The following ATP2B4 variants were observed in gnomAD, a reference collection of about 807,000 sequenced individuals.
The protein encoded by ATP2B4 is ATPase plasma membrane Ca2+ transporting 4, also known as plasma membrane calcium-transporting ATPase 4.
Under a neutral mutation model 110.3 loss-of-function variants are expected in ATP2B4, and 39 were observed. The observed-to-expected ratio is 0.35, with a 90% confidence interval of 0.27 to 0.46. The LOEUF is 0.46. Among genes scored for constraint, ATP2B4 ranks in the 20% least tolerant of loss-of-function variants. ATP2B4 has a pLI of 1.00. For missense variants in ATP2B4, 1,135 were observed against 1,530.9 expected, an observed-to-expected ratio of 0.74 and a Z score of 4.32; for synonymous variants, 538 against 571.7, an observed-to-expected ratio of 0.94 and a Z score of 0.84.
At chr1:203,697,236 A>G (rs1486735743) in intron 2 of ATP2B4, among the ~76,000 whole-genome samples, 6 of 151,900 alleles carry the variant, frequency 3.9e-5, no homozygotes, top group Admixed American at 3.9e-4. Flanking sequence ...AGTCTTAAAG[A>G]CTCTGCCCTG....
At chr1:203,726,708 G>A (rs4951130) in intron 19 of ATP2B4, among the ~76,000 whole-genome samples, 30,559 of 151,942 alleles carry the variant, frequency 0.2, 3,243 homozygotes, top group South Asian at 0.3. Flanking sequence ...TATCTTGTCC[G>A]GAAAGAACTG....
chr1:203,700,202 C>T lies in ATP2B4; in HGVS notation c.650-4C>T. ...ACTGTCCCTCCTTCCCCTTTGTGCT[C>T]TAGGTGATCTGCTGCCTGCAGATGG... is the stretch of plus-strand genomic sequence containing the variant. On this transcript the variant is annotated splice_polypyrimidine_tract_variant and splice_region_variant and intron_variant, in intron 4 of 20. Coordinates refer to ENST00000357681, the MANE Select transcript of ATP2B4 (RefSeq NM_001684.5). The T allele has an allele frequency of 6.2e-7, 1 of 1,612,276 alleles. No homozygotes were observed. Among genetic ancestry groups the T allele is most frequent in the Non-Finnish European group, 8.5e-7 (1 of 1,178,916 alleles).
At chr1:203,667,404 C>T (rs971584052) in intron 1 of ATP2B4, among the ~76,000 whole-genome samples, 11 of 152,190 alleles carry the variant, frequency 7.2e-5, no homozygotes, top group African/African-American at 1.9e-4. Flanking sequence ...GGGCAGCATT[C>T]GCTGGCAGTC....
At chr1:203,661,387 A>G (rs1664334338) in intron 1 of ATP2B4, among the ~76,000 whole-genome samples, 1 of 152,198 alleles carries the variant, frequency 6.6e-6, no homozygotes, top group Admixed American at 6.5e-5. Context: ...TGGGAGTGAT[A>G]CGACCCATTT....
chr1:203,653,800 G>A (rs1355927542), intron 1 of ATP2B4, among the ~76,000 whole-genome samples: 4 of 151,628 alleles, frequency 2.6e-5, no homozygotes, highest in South Asian at 2.1e-4. Flanking sequence ...CAAGTGACCC[G>A]CCCTCCTTGG....
chr1:203,722,171 T>C (rs944116136), intron 17 of ATP2B4, among the ~76,000 whole-genome samples: 1 of 152,002 alleles, frequency 6.6e-6, no homozygotes, highest in Non-Finnish European at 1.5e-5. Flanking sequence ...GTTTAATAAC[T>C]AGTACAACAA....
At chr1:203,656,030 G>C in intron 1 of ATP2B4, among the ~76,000 whole-genome samples, 1 of 150,656 alleles carries the variant, frequency 6.6e-6, no homozygotes, top group East Asian at 2.0e-4. Context: ...TCAGCCTCCC[G>C]AGTAGCTGGG....
intron 10 of ATP2B4, among the ~76,000 whole-genome samples, chr1:203,708,425 T>G (rs993297459): frequency 6.6e-6 from 1 of 152,154 alleles, no homozygotes; most frequent in Non-Finnish European, 1.5e-5. Flanking sequence ...ACTCACTTTC[T>G]AGAAACAAGC....
At chr1:203,657,646 C>A in intron 1 of ATP2B4, 1 of 846,744 alleles carries the variant, frequency 1.2e-6, no homozygotes, top group Non-Finnish European at 2.1e-6. Context: ...TTTGAACGTT[C>A]ATGAGCCTCT....
intron 1 of ATP2B4, among the ~76,000 whole-genome samples, chr1:203,662,641 G>A (rs138010531): frequency 6.6e-6 from 1 of 152,324 alleles, no homozygotes; most frequent in African/African-American, 2.4e-5. Context: ...GCATGTGTCA[G>A]AACATCCTTC....
rs150129666 is a variant in ATP2B4, at chr1:203,726,161, G to A, written c.3133-1234G>A. ...GGCTGAAGCAGAATTGCTTGAACCC[G>A]GGAGGCGGAGTGCAATGAGCTGAGA... On this transcript the variant is annotated intron_variant, in intron 19 of 20. Transcript: ENST00000357681. Among the ~76,000 whole-genome samples the A allele has an allele frequency of 1.5e-3, 227 of 151,640 alleles. 3 individuals are homozygous for A. Among genetic ancestry groups the A allele is most frequent in the African/African-American group, 5.1e-3 (211 of 41,386 alleles).
intron 1 of ATP2B4, among the ~76,000 whole-genome samples, chr1:203,673,975 C>T (rs1664752910): frequency 6.6e-6 from 1 of 152,166 alleles, no homozygotes; most frequent in South Asian, 2.1e-4. Flanking sequence ...TGCTAAAAAG[C>T]CCCTTTGTTC....
At chr1:203,648,013 A>G (rs1360710650) in intron 1 of ATP2B4, among the ~76,000 whole-genome samples, 2 of 152,146 alleles carry the variant, frequency 1.3e-5, no homozygotes, top group Non-Finnish European at 2.9e-5. Context: ...GTGGGAGTCA[A>G]AATGTAAAGT....
At chr1:203,679,269 G>A (rs996001061) in intron 1 of ATP2B4, among the ~76,000 whole-genome samples, 3 of 152,184 alleles carry the variant, frequency 2.0e-5, no homozygotes, top group Admixed American at 2.0e-4. Flanking sequence ...AAGCTCAGCA[G>A]TTGCAGAGAA....
chr1:203,733,757 T>A, intron 20 of ATP2B4: 1 of 206,992 alleles, frequency 4.8e-6, no homozygotes, highest in Non-Finnish European at 9.6e-6. Context: ...TGTTCCTCTC[T>A]TCTCCTCCTG....
At chr1:203,714,322 A>G (rs1666098754) in intron 15 of ATP2B4, 45 bp downstream of exon 15, 1 of 1,606,602 alleles carries the variant, frequency 6.2e-7, no homozygotes, top group Non-Finnish European at 8.5e-7. Context: ...TGCCTTCTCC[A>G]TCAGGAAGCC....
intron 17 of ATP2B4, among the ~76,000 whole-genome samples, 200 bp downstream of exon 17, chr1:203,721,610 G>T (rs1666334547): frequency 6.7e-6 from 1 of 148,662 alleles, no homozygotes; most frequent in African/African-American, 2.5e-5. Flanking sequence ...TGTACTGTGT[G>T]TACTCAAGAA....
chr1:203,662,118 G>A (rs956067120), intron 1 of ATP2B4, among the ~76,000 whole-genome samples: 3 of 151,744 alleles, frequency 2.0e-5, no homozygotes, highest in Non-Finnish European at 4.4e-5. Flanking sequence ...CTGCCTCCGG[G>A]TTTCACACCA....
At chr1:203,693,655 C>T (rs1340955858) in intron 2 of ATP2B4, among the ~76,000 whole-genome samples, 3 of 152,136 alleles carry the variant, frequency 2.0e-5, no homozygotes, top group African/African-American at 2.4e-5. Flanking sequence ...AACCTGATGG[C>T]GATGTTACCA....
Sources: allele counts gnomAD v4.1 joint callset (sites outside exome capture counted in the v4.1 genomes callset), GRCh38; gene constraint gnomAD v4.1.1; transcripts MANE v1.5; gene names NCBI Gene and HGNC (gene_info 2026-07-23, HGNC 2026-07-21).